The following GFRA1 variants were observed in gnomAD, a reference collection of about 807,000 sequenced individuals.
GFRA1 encodes the protein GDNF family receptor alpha-1.
GFRA1 carries 16 observed loss-of-function variants against 51.6 expected under a neutral mutation model. The observed-to-expected ratio is 0.31, with a 90% CI of 0.21 to 0.47. GFRA1 has a LOEUF of 0.47. Among genes scored for constraint, GFRA1 ranks in the 20% least tolerant of loss-of-function variants. The pLI is 1.00. For synonymous variants in GFRA1, 270 were observed against 241.3 expected (o/e 1.12, Z -1.10); for missense variants, 530 against 594.3 (o/e 0.89, Z 1.13).
chr10:116,114,694 AG>A (rs1424661122), intron 6 of GFRA1, among the ~76,000 whole-genome samples: 1 of 152,142 alleles, frequency 6.6e-6, no homozygotes, highest in Non-Finnish European at 1.5e-5. Context: ...CCACCACACC[AG>A]CTCACAAGTT....
chr10:116,088,316 T>A (rs748582342), intron 9 of GFRA1, among the ~76,000 whole-genome samples: 1 of 152,028 alleles, frequency 6.6e-6, no homozygotes, highest in Non-Finnish European at 1.5e-5. Context: ...GGCCTCGATG[T>A]GCTCCAGTGA....
At chr10:116,157,406 G>C (rs1334346220) in intron 5 of GFRA1, among the ~76,000 whole-genome samples, 2 of 152,122 alleles carry the variant, frequency 1.3e-5, no homozygotes, top group African/African-American at 2.4e-5. Flanking sequence ...GCAATGCTTG[G>C]GCATACCCAG....
In GFRA1 at chr10:116,063,527, C is replaced by T; in HGVS notation, c.*871G>A. ...TCATTACTTTCAAAATATAGAAAGC[C>T]AATAGTTGAAATCATTTAGTAGTAA... On this transcript the variant is annotated 3_prime_UTR_variant, in exon 11 of 11. Transcript: ENST00000355422. The T allele has an allele frequency of 6.6e-6, 1 of 152,102 alleles. No individual in the cohort carries two copies. Among genetic ancestry groups the T allele is most frequent in the East Asian group, 1.9e-4 (1 of 5,194 alleles). 9.4% of individuals were successfully genotyped at this position (152,102 alleles called of 1,614,324 possible).
intron 5 of GFRA1, among the ~76,000 whole-genome samples, chr10:116,185,860 T>C (rs1018319306): frequency 7.2e-5 from 11 of 152,204 alleles, no homozygotes; most frequent in African/African-American, 1.7e-4. Context: ...TTAATTATAA[T>C]TGTGCTGCTC....
chr10:116,206,643 T>TTTTTG (rs1964785575), intron 5 of GFRA1, among the ~76,000 whole-genome samples: 2 of 123,406 alleles, frequency 1.6e-5, no homozygotes, highest in Non-Finnish European at 3.3e-5. Flanking sequence ...TTTTTTTTTT[T>TTTTTG]TTGAGACGGA....
chr10:116,172,683 G>GCAT (rs1961155705), intron 5 of GFRA1, among the ~76,000 whole-genome samples: 2 of 152,162 alleles, frequency 1.3e-5, no homozygotes, highest in African/African-American at 4.8e-5. Context: ...TGGGGGACGG[G>GCAT]CATGTGTAAG....
intron 8 of GFRA1, among the ~76,000 whole-genome samples, chr10:116,091,292 A>T (rs1956323909): frequency 6.6e-6 from 1 of 152,208 alleles, no homozygotes; most frequent in Non-Finnish European, 1.5e-5. Context: ...ACAGTAGTGA[A>T]CAACAACATC....
At chr10:116,154,254 C>A (rs1177234172) in intron 5 of GFRA1, among the ~76,000 whole-genome samples, 1 of 152,154 alleles carries the variant, frequency 6.6e-6, no homozygotes, top group Non-Finnish European at 1.5e-5. Context: ...TATACGTTCA[C>A]CAAAAGACAC....
At chr10:116,103,823 C>T (rs7070267) in intron 6 of GFRA1, among the ~76,000 whole-genome samples, 80,789 of 152,086 alleles carry the variant, frequency 0.53, 21,924 homozygotes, top group Non-Finnish European at 0.58. Flanking sequence ...TGCTGTAACA[C>T]ACATCTGGAA....
At chr10:116,218,988 TTTTA>T (rs1441622407) in intron 4 of GFRA1, among the ~76,000 whole-genome samples, 1 of 152,126 alleles carries the variant, frequency 6.6e-6, no homozygotes, top group Non-Finnish European at 1.5e-5. Context: ...ACTAAATGTC[TTTTA>T]TTTGTGGATA....
chr10:116,122,787 C>A (rs905163880), intron 6 of GFRA1, among the ~76,000 whole-genome samples: 3 of 152,184 alleles, frequency 2.0e-5, no homozygotes, highest in Non-Finnish European at 4.4e-5. Flanking sequence ...TCCCAGCCAT[C>A]GTTCAATAGA....
chr10:116,137,502 C>G (rs1958380301), intron 5 of GFRA1, among the ~76,000 whole-genome samples: 1 of 152,160 alleles, frequency 6.6e-6, no homozygotes, highest in African/African-American at 2.4e-5. Context: ...CCAATTAATA[C>G]CCCATTAAGC....
intron 5 of GFRA1, among the ~76,000 whole-genome samples, chr10:116,139,297 T>C (rs529781949): frequency 1.3e-5 from 2 of 152,178 alleles, no homozygotes; most frequent in East Asian, 1.9e-4. Flanking sequence ...CCTGATTACA[T>C]GAGCACTACA....
chr10:116,206,424 T>C (rs1181755608), intron 5 of GFRA1, among the ~76,000 whole-genome samples: 1 of 152,102 alleles, frequency 6.6e-6, no homozygotes, highest in African/African-American at 2.4e-5. Context: ...TAAATGGCAG[T>C]GGGCCCGTCA....
chr10:116,225,690 A>G (rs1488163210), intron 4 of GFRA1, among the ~76,000 whole-genome samples: 2 of 151,570 alleles, frequency 1.3e-5, no homozygotes, highest in South Asian at 2.1e-4. Context: ...CCCAAGTTCA[A>G]GCAATTCTCC....
chr10:116,206,074 C>A (rs573517108), intron 5 of GFRA1, among the ~76,000 whole-genome samples: 1 of 152,116 alleles, frequency 6.6e-6, no homozygotes, highest in East Asian at 1.9e-4. Flanking sequence ...TTTACTGAAA[C>A]ATTTGCACAG....
chr10:116,147,543 C>T (rs781328848), intron 5 of GFRA1, among the ~76,000 whole-genome samples: 2 of 105,912 alleles, frequency 1.9e-5, no homozygotes, highest in Non-Finnish European at 4.3e-5. Context: ...AAAGTGCTAG[C>T]GCCTAGTGTG....
At chr10:116,264,882 C>A (rs1197933363) in intron 4 of GFRA1, among the ~76,000 whole-genome samples, 6 of 152,098 alleles carry the variant, frequency 3.9e-5, no homozygotes, top group African/African-American at 1.4e-4. Context: ...GAGCTGAGTG[C>A]AAGAAAAGGA....
In GFRA1 at chr10:116,270,995, G is replaced by A; in HGVS notation, c.161C>T (p.Ala54Val). The A allele has an allele frequency of 1.2e-6, 2 of 1,614,212 alleles. No individual in the cohort carries two copies. The highest frequency in any genetic ancestry group is 1.7e-6 in the Non-Finnish European group (2 of 1,180,048). Residue 54 changes from alanine (A) to valine (V), a missense_variant, in exon 3 of 11, where the codon GCG (alanine) becomes GTG (valine). Physicochemically the swap from Ala to Val is moderately conservative, Grantham distance 64. Transcript: ENST00000355422. ...CAGGCTGAAGTTGGTCTCCTTGCCCGCCACGCACTGCCTTAGCGTGCGGTA... is the reference window on the plus strand; with the variant it reads ...CAGGCTGAAGTTGGTCTCCTTGCCCACCACGCACTGCCTTAGCGTGCGGTA... ...TKYRTLRQCV[A>V]GKETNFSLAS... is the part of the protein sequence containing the mutation.
Sources: gnomAD v4.1 joint callset for allele counts (sites outside exome capture counted in the v4.1 genomes callset) on GRCh38, gnomAD v4.1.1 for gene constraint, MANE v1.5 for transcripts, NCBI Gene and HGNC (gene_info 2026-07-23, HGNC 2026-07-21) for gene names.